Variants in NDFIP2 observed in about 807,000 individuals in gnomAD.
NDFIP2 encodes Nedd4 family interacting protein 2, also known as NEDD4 family-interacting protein 2.
A neutral mutation model predicts 36.0 loss-of-function variants in NDFIP2; 19 were observed. The observed-to-expected ratio is 0.53, with a 90% CI of 0.37 to 0.77. NDFIP2 has a LOEUF of 0.77. Among genes scored for constraint, NDFIP2 ranks in the 30% least tolerant of loss-of-function variants. The pLI, the probability that NDFIP2 is intolerant of heterozygous loss-of-function variation, is 0.00. For synonymous variants in NDFIP2, 181 were observed against 167.7 expected, an observed-to-expected ratio of 1.08 and a Z score of -0.61; for missense variants, 446 against 435.8, an observed-to-expected ratio of 1.02 and a Z score of -0.21.
chr13:79,550,979 A>AC, intron 6 of NDFIP2, 38 bp from the exon 7 acceptor site: 2 of 1,252,034 alleles, frequency 1.6e-6, no homozygotes, highest in Non-Finnish European at 2.2e-6. Context: ...TTTTCTGTAT[A>AC]AAAACATAGT....
At chr13:79,536,772 T>A (rs962231928) in intron 3 of NDFIP2, among the ~76,000 whole-genome samples, 1 of 152,028 alleles carries the variant, frequency 6.6e-6, no homozygotes, top group Non-Finnish European at 1.5e-5. Context: ...TCCTGTAATC[T>A]CAGCACTTTG....
chr13:79,481,306 G>T lies in NDFIP2; in HGVS notation c.103G>T (p.Glu35Ter). The T allele has an allele frequency of 6.5e-7, 1 of 1,541,854 alleles. No homozygotes were observed. The change falls in exon 1 of 8, where the codon GAG becomes TAG. Residue 35 changes from glutamate (E) to a stop codon, truncating the protein, a stop_gained. Coordinates refer to ENST00000218652, the MANE Select transcript of NDFIP2 (RefSeq NM_019080.3). LOFTEE classifies it high-confidence loss of function. ...TCTCCGCGGAACCGCGACCAACGCG[G>T]AGGTCTCGGCGGCCGCTGCGGGAGC... ...ELLRGTATNA[E>*]VSAAAAGATG... is the part of the protein sequence containing the mutation.
intron 1 of NDFIP2, among the ~76,000 whole-genome samples, chr13:79,516,729 C>T (rs1242791378): frequency 6.6e-6 from 1 of 151,934 alleles, no homozygotes; most frequent in African/African-American, 2.4e-5. Flanking sequence ...AGAAAAGAAA[C>T]AAGAAGAGGT....
At chr13:79,495,963 C>T (rs755167109) in intron 1 of NDFIP2, among the ~76,000 whole-genome samples, 6 of 151,756 alleles carry the variant, frequency 4.0e-5, no homozygotes, top group Non-Finnish European at 1.5e-5. Flanking sequence ...CCACAAAGGT[C>T]CATTTACTCT....
Position 79,481,155 on chromosome 13 carries a change from A to G in NDFIP2, c.-49A>G. On this transcript the variant is annotated 5_prime_UTR_variant, in exon 1 of 8. Coordinates refer to ENST00000218652, the MANE Select transcript of NDFIP2 (RefSeq NM_019080.3). ...TAGACAGCTCCCCCGGACTTGCCTT[A>G]CTTTTCCATCTCCTCCCACCCAGCT... 6.9e-7 allele frequency: 1 copy of G among 1,439,118 alleles called. No homozygotes were observed. The highest frequency in any genetic ancestry group is 9.1e-7 in the Non-Finnish European group (1 of 1,104,276). 89.1% of individuals were successfully genotyped at this position (1,439,118 alleles called of 1,614,324 possible).
In NDFIP2 at chr13:79,553,811, T is replaced by A. The variant is rs1305563991; in HGVS notation, c.*1298T>A. ...ATCTTGCAAATCATTTTATGTCTCA[T>A]CTGTTTTTCCTTTCGGTTATATCTT... On this transcript the variant is annotated 3_prime_UTR_variant, in exon 8 of 8. Coordinates refer to ENST00000218652, the MANE Select transcript of NDFIP2 (RefSeq NM_019080.3). 6.6e-6 allele frequency: 1 copy of A among 152,034 alleles called. No individual in the cohort carries two copies. The allele number at this position is 152,034 out of a possible 1,614,324, so 9.4% of individuals were successfully genotyped here. A position where few individuals can be genotyped will look rare whatever the true frequency, so the allele number is the denominator to read the frequency against.
At chr13:79,540,757 A>G (rs1232694509) in intron 4 of NDFIP2, among the ~76,000 whole-genome samples, 5 of 152,210 alleles carry the variant, frequency 3.3e-5, no homozygotes, top group African/African-American at 1.2e-4. Flanking sequence ...CTTCCCTTCT[A>G]TTTTCATCTG....
chr13:79,550,102 T>C (rs1875846688), intron 6 of NDFIP2, among the ~76,000 whole-genome samples: 2 of 151,814 alleles, frequency 1.3e-5, no homozygotes, highest in African/African-American at 4.8e-5. Flanking sequence ...TCTTCTGTTT[T>C]TGTTTTTGGA....
chr13:79,511,860 C>T (rs914268468), intron 1 of NDFIP2, among the ~76,000 whole-genome samples: 12 of 152,176 alleles, frequency 7.9e-5, no homozygotes, highest in African/African-American at 2.9e-4. Flanking sequence ...GCTCAGAAAG[C>T]AGCACAGACT....
At chr13:79,515,631 A>AT (rs1191061560) in intron 1 of NDFIP2, among the ~76,000 whole-genome samples, 1 of 152,216 alleles carries the variant, frequency 6.6e-6, no homozygotes, top group Non-Finnish European at 1.5e-5. Context: ...AACGACTGCC[A>AT]TAAGTCAGTT....
At chr13:79,529,492 A>C (rs1874927825) in intron 2 of NDFIP2, among the ~76,000 whole-genome samples, 1 of 152,170 alleles carries the variant, frequency 6.6e-6, no homozygotes, top group South Asian at 2.1e-4. Context: ...CATTGTTTTT[A>C]CTTAGATTTT....
chr13:79,547,619 A>G (rs770089248), intron 5 of NDFIP2, among the ~76,000 whole-genome samples: 29 of 152,130 alleles, frequency 1.9e-4, no homozygotes, highest in Admixed American at 7.2e-4. Context: ...ACTGTGTCCA[A>G]TATCATCAAA....
chr13:79,528,738 TA>T (rs1204917600), intron 2 of NDFIP2, among the ~76,000 whole-genome samples: 1 of 152,228 alleles, frequency 6.6e-6, no homozygotes, highest in Non-Finnish European at 1.5e-5. Flanking sequence ...TTCAGTACAG[TA>T]ATATGCTATA....
chr13:79,510,372 G>C (rs926096381), intron 1 of NDFIP2, among the ~76,000 whole-genome samples: 45 of 148,958 alleles, frequency 3.0e-4, no homozygotes, highest in Admixed American at 5.3e-4. Flanking sequence ...AGCCCATGGT[G>C]ATTTTTTTTG....
At position 79,556,063 on chromosome 13, in the gene NDFIP2, T is replaced by A. The variant is rs1876100043; in HGVS notation, c.*3550T>A. On this transcript the variant is annotated 3_prime_UTR_variant, in exon 8 of 8. Transcript: ENST00000218652. ...TTTAATTTTAATAAACAAAATATCATCTTTTTGAAAATAATTTATGTTCAT... is the reference window on the plus strand; with the variant it reads ...TTTAATTTTAATAAACAAAATATCAACTTTTTGAAAATAATTTATGTTCAT... 1 of 152,174 alleles carries A rather than the reference T, an allele frequency of 6.6e-6. No individual in the cohort carries two copies. The highest frequency in any genetic ancestry group is 6.6e-5 in the Admixed American group (1 of 15,266). 9.4% of individuals were successfully genotyped at this position (152,174 alleles called of 1,614,324 possible).
chr13:79,520,469 C>A (rs1874526524), intron 1 of NDFIP2, among the ~76,000 whole-genome samples: 2 of 152,140 alleles, frequency 1.3e-5, no homozygotes, highest in Non-Finnish European at 2.9e-5. Flanking sequence ...TTACAGTAGG[C>A]CCCCTTATCC....
intron 1 of NDFIP2, among the ~76,000 whole-genome samples, chr13:79,509,806 T>C (rs961113732): frequency 1.3e-5 from 2 of 152,030 alleles, no homozygotes; most frequent in African/African-American, 2.4e-5. Context: ...ACTGAAGAAG[T>C]TGGAGTCTGA....
chr13:79,515,908 T>C (rs1874297335), intron 1 of NDFIP2, among the ~76,000 whole-genome samples: 2 of 149,924 alleles, frequency 1.3e-5, no homozygotes, highest in Non-Finnish European at 3.0e-5. Flanking sequence ...CAGAATGATA[T>C]ACTCTAAGGT....
At chr13:79,502,528 C>T (rs751489996) in intron 1 of NDFIP2, among the ~76,000 whole-genome samples, 7 of 151,806 alleles carry the variant, frequency 4.6e-5, no homozygotes, top group Non-Finnish European at 1.0e-4. Flanking sequence ...AAGCCCCTTA[C>T]AAAAGAAACA....
Sources: gnomAD v4.1 joint callset for allele counts (sites outside exome capture counted in the v4.1 genomes callset) on GRCh38, gnomAD v4.1.1 for gene constraint, MANE v1.5 for transcripts, NCBI Gene and HGNC (gene_info 2026-07-23, HGNC 2026-07-21) for gene names.